Variants in MAG observed in about 807,000 individuals in gnomAD.
The protein encoded by MAG is myelin-associated glycoprotein.
Under a neutral mutation model 60.7 loss-of-function variants are expected in MAG, and 30 were observed. That is an observed-to-expected ratio of 0.49 (90% CI 0.37 to 0.67). The LOEUF is 0.67. Ranked by LOEUF, MAG falls within the 30% of genes least tolerant of loss-of-function variation. The pLI is 0.00. For synonymous variants in MAG, 384 were observed against 376.8 expected (o/e 1.02, Z -0.22); for missense variants, 795 against 851.7 (o/e 0.93, Z 0.83).
intron 10 of MAG, 39 bp from the exon 11 acceptor site, chr19:35,313,251 G>A (rs754128251): frequency 3.2e-6 from 5 of 1,578,658 alleles, no homozygotes; most frequent in Non-Finnish European, 4.3e-6. Context: ...GGAAAAGGCA[G>A]GGAGCAGGAC....
chr19:35,311,967 G>A lies in MAG; in HGVS notation c.1666G>A (p.Val556Ile), dbSNP rs201689297. 9.9e-5 allele frequency: 160 copies of A among 1,613,350 alleles called. No individual in the cohort carries two copies. The highest frequency in any genetic ancestry group is 1.3e-4 in the Non-Finnish European group (152 of 1,179,700). ...PSFSAGDNPP[V>I]LFSSDFRISG... ...CTTCTCGGCAGGGGACAACCCTCCC[G>A]TCCTGTTCAGCAGCGACTTCCGCAT... is the stretch of plus-strand genomic sequence containing the variant. Residue 556 changes from valine (V) to isoleucine (I), a missense_variant, in exon 10 of 11, where the codon GTC (valine) becomes ATC (isoleucine). By Grantham distance (29) the Val-to-Ile change is conservative (BLOSUM62 3). Transcript: ENST00000392213.
rs200067189 is a variant in MAG at position 35,313,355 on chromosome 19, C to A, written c.1782C>A (p.Asp594Glu). ...TTCGGGGTGAGCCCCCAGAGCTGGA[C>A]CTGAGCTATTCTCACTCGGACCTGG... ...LGLRGEPPEL[D>E]LSYSHSDLGK... Residue 594 changes from aspartate (D) to glutamate (E), a missense_variant, in exon 11 of 11, where the codon GAC (aspartate) becomes GAA (glutamate). By Grantham distance (45) the Asp-to-Glu change is conservative. Coordinates refer to ENST00000392213, the MANE Select transcript of MAG (RefSeq NM_002361.4). 50 of 1,614,042 alleles carry A rather than the reference C, an allele frequency of 3.1e-5. No individual in the cohort carries two copies. In the Middle Eastern group the frequency reaches 8.2e-4, roughly 27 times the overall value.
At chr19:35,312,830 G>A (rs1461183374) in intron 10 of MAG, 1 of 170,838 alleles carries the variant, frequency 5.9e-6, no homozygotes, top group African/African-American at 2.4e-5. Context: ...TTGAGGTCAG[G>A]AGTTTGAGAC....
rs2066373378 is a variant in MAG at position 35,293,554 on chromosome 19, G to T, written c.-79-681G>T. ...TGTCTGTGCATGTGTCTCTGTCCGT[G>T]GGAAGAGGGCGGTGAAGGCTGGGAA... On this transcript the variant is annotated intron_variant, in intron 1 of 10. Coordinates refer to ENST00000392213, the MANE Select transcript of MAG (RefSeq NM_002361.4). The surrounding 1 kb of genome is among the most constrained non-coding windows in gnomAD (Gnocchi z 4.0). 6.6e-6 allele frequency among the ~76,000 whole-genome samples: 1 copy of T among 152,116 alleles called. No individual in the cohort carries two copies. The highest frequency in any genetic ancestry group is 1.5e-5 in the Non-Finnish European group (1 of 68,020).
intron 10 of MAG, chr19:35,312,340 C>A: frequency 6.2e-7 from 1 of 1,609,732 alleles, no homozygotes; most frequent in Non-Finnish European, 8.5e-7. Flanking sequence ...GTTCCGGGGG[C>A]CTCAGTGTGC....
rs199764089 is a variant in MAG, at chr19:35,302,474, G to C, written c.997G>C (p.Gly333Arg). The C allele has an allele frequency of 1.9e-6, 3 of 1,614,114 alleles. No homozygotes were observed. Among genetic ancestry groups the C allele is most frequent in the Non-Finnish European group, 2.5e-6 (3 of 1,180,024 alleles). ...TGCACCCTGGAAGCCAACAGTGAACGGGACAATGGTGGCCGTAGAGGGGGA... is the reference window on the plus strand; with the variant it reads ...TGCACCCTGGAAGCCAACAGTGAACCGGACAATGGTGGCCGTAGAGGGGGA... ...MYAPWKPTVN[G>R]TMVAVEGETV... The change falls in exon 7 of 11, where the codon GGG becomes CGG. Residue 333 changes from glycine to arginine, a missense_variant. Gly to Arg is a moderately radical substitution (Grantham distance 125). Transcript: ENST00000392213.
At chr19:35,297,352 C>T (rs2145607082) in intron 4 of MAG, among the ~76,000 whole-genome samples, 1 of 141,468 alleles carries the variant, frequency 7.1e-6, no homozygotes, top group South Asian at 2.3e-4. Context: ...ACTACAAAAA[C>T]CACACACCAC....
intron 5 of MAG, 97 bp from the exon 6 acceptor site, chr19:35,300,050 G>T: frequency 7.1e-7 from 1 of 1,410,032 alleles, no homozygotes; most frequent in Non-Finnish European, 9.3e-7. Flanking sequence ...GCTGAGGGCG[G>T]GGCCGGACAG....
chr19:35,292,604 G>A (rs2066364944), intron 1 of MAG, among the ~76,000 whole-genome samples: 1 of 151,962 alleles, frequency 6.6e-6, no homozygotes, highest in Admixed American at 6.6e-5. Flanking sequence ...GGGGGCAGTG[G>A]GCTGTTAGTG....
At chr19:35,312,545 GAGGGGT>G in intron 10 of MAG, 2 of 475,400 alleles carry the variant, frequency 4.2e-6, no homozygotes, top group East Asian at 4.1e-5. Flanking sequence ...GGGGTGGAGG[GAGGGGT>G]GGGAAGCGTG....
At chr19:35,298,684 T>A (rs1198995722) in intron 4 of MAG, among the ~76,000 whole-genome samples, 3 of 112,980 alleles carry the variant, frequency 2.7e-5, no homozygotes, top group Non-Finnish European at 5.5e-5. Context: ...ACACACCGCA[T>A]ACACACCACA....
intron 7 of MAG, among the ~76,000 whole-genome samples, chr19:35,306,939 T>G (rs550531117): frequency 6.6e-5 from 10 of 152,238 alleles, no homozygotes; most frequent in Non-Finnish European, 1.2e-4. Flanking sequence ...CTCCTCATTC[T>G]TTGTACCTTT....
chr19:35,303,654 C>T (rs553784020), intron 7 of MAG, among the ~76,000 whole-genome samples: 5 of 152,218 alleles, frequency 3.3e-5, no homozygotes, highest in African/African-American at 1.2e-4. Flanking sequence ...TGAGAAGACA[C>T]CACGCTTATG....
chr19:35,312,418 G>C (rs1318753061), intron 10 of MAG: 1 of 1,157,088 alleles, frequency 8.6e-7, no homozygotes, highest in Non-Finnish European at 1.3e-6. Flanking sequence ...CAGGCGTCAA[G>C]GTGGTCTCTG....
chr19:35,300,851 T>G (rs1015136238), intron 6 of MAG, among the ~76,000 whole-genome samples: 2 of 152,166 alleles, frequency 1.3e-5, no homozygotes, highest in Non-Finnish European at 2.9e-5. Context: ...TACCCCAGCC[T>G]CCTGAGCAGC....
chr19:35,310,191 A>G (rs1287471570), intron 8 of MAG, 30 bp downstream of exon 8: 2 of 1,585,116 alleles, frequency 1.3e-6, no homozygotes, highest in Non-Finnish European at 1.7e-6. Context: ...GGTGGGAGCC[A>G]CAGGAGGGAG....
In MAG at chr19:35,293,742, C is replaced by A. The variant is rs551466245; in HGVS notation, c.-79-493C>A. On this transcript the variant is annotated intron_variant, in intron 1 of 10. Transcript: ENST00000392213. The surrounding 1 kb of genome is among the most constrained non-coding windows in gnomAD (Gnocchi z 4.0). ...ACTCCCCACTTACCCTGAAAGCCCC[C>A]CGCAGGCTAAAACACCCTCTCCCCG... 2.4e-4 allele frequency among the ~76,000 whole-genome samples: 36 copies of A among 152,182 alleles called. No homozygotes were observed. Among genetic ancestry groups the A allele is most frequent in the Non-Finnish European group, 4.7e-4 (32 of 67,990 alleles).
intron 8 of MAG, 141 bp downstream of exon 8, chr19:35,310,302 G>A: frequency 1.6e-6 from 2 of 1,221,046 alleles, no homozygotes. Flanking sequence ...TCCGGTTGGA[G>A]AGGAGAAGCC....
Position 35,299,544 on chromosome 19 carries a change from C to T in MAG, c.416-10C>T. On this transcript the variant is annotated splice_polypyrimidine_tract_variant and intron_variant, in intron 4 of 10. Transcript: ENST00000392213. ...GCTTTCTCAGCCCTCCCTTTCCCCG[C>T]CTCGTATAGACACCCCCAACATCGT... 2 of 1,567,428 alleles carry T rather than the reference C, an allele frequency of 1.3e-6. No individual in the cohort carries two copies. Among genetic ancestry groups the T allele is most frequent in the Non-Finnish European group, 1.7e-6 (2 of 1,148,624 alleles).
Sources: gnomAD v4.1 joint callset for allele counts (sites outside exome capture counted in the v4.1 genomes callset) on GRCh38, gnomAD v4.1.1 for gene constraint, Gnocchi (gnomAD v3.1) non-coding constraint, MANE v1.5 for transcripts, NCBI Gene and HGNC (gene_info 2026-07-23, HGNC 2026-07-21) for gene names.